Variants in NTRK3 observed in about 807,000 individuals in gnomAD.
The protein encoded by NTRK3 is NT-3 growth factor receptor.
A neutral mutation model predicts 91.7 loss-of-function variants in NTRK3; 24 were observed. That is an observed-to-expected ratio of 0.26 (90% CI 0.19 to 0.37). NTRK3 has a LOEUF of 0.37. NTRK3 is among the 10% of genes least tolerant of loss of function. The probability of loss-of-function intolerance (pLI) is 1.00; values close to 1 mark genes in which losing one functional copy is unlikely to be tolerated. For synonymous variants in NTRK3, 483 were observed against 404.0 expected (o/e 1.20, Z -2.34); for missense variants, 880 against 1,068.9 (o/e 0.82, Z 2.46).
intron 3 of NTRK3, among the ~76,000 whole-genome samples, chr15:88,214,709 C>A (rs527307323): frequency 6.7e-6 from 1 of 149,826 alleles, no homozygotes; most frequent in African/African-American, 2.4e-5. Context: ...AATGTGCCCC[C>A]AAATGAACAC....
chr15:87,878,127 A>G (rs2065036350), intron 18 of NTRK3, among the ~76,000 whole-genome samples: 1 of 152,174 alleles, frequency 6.6e-6, no homozygotes, highest in African/African-American at 2.4e-5. Context: ...CTACCACTGC[A>G]TAACTTTGGT....
chr15:88,090,890 A>C (rs1397600967), intron 13 of NTRK3, among the ~76,000 whole-genome samples: 1 of 152,208 alleles, frequency 6.6e-6, no homozygotes, highest in Non-Finnish European at 1.5e-5. Flanking sequence ...ACTTGGATGC[A>C]GCCCTCTTGC....
At chr15:88,178,192 A>C (rs2151565998) in intron 5 of NTRK3, among the ~76,000 whole-genome samples, 1 of 152,318 alleles carries the variant, frequency 6.6e-6, no homozygotes, top group Middle Eastern at 3.4e-3. Context: ...GTAAGGGGGA[A>C]GGCAGAAAAG....
chr15:88,216,217 T>A (rs2049752923), intron 3 of NTRK3, among the ~76,000 whole-genome samples: 1 of 152,180 alleles, frequency 6.6e-6, no homozygotes, highest in African/African-American at 2.4e-5. Flanking sequence ...ACAGGAGCAG[T>A]TGATCACTGA....
At chr15:87,935,718 T>G (rs553415838) in intron 15 of NTRK3, among the ~76,000 whole-genome samples, 1 of 152,184 alleles carries the variant, frequency 6.6e-6, no homozygotes, top group Non-Finnish European at 1.5e-5. Context: ...TAAATCATTC[T>G]CTCCCACAGT....
At chr15:88,064,391 C>T (rs2046470214) in intron 13 of NTRK3, among the ~76,000 whole-genome samples, 1 of 152,252 alleles carries the variant, frequency 6.6e-6, no homozygotes, top group Non-Finnish European at 1.5e-5. Context: ...TTCAAGGCCA[C>T]ACCCTTCCTT....
At chr15:88,109,049 C>T (rs2051030692) in intron 13 of NTRK3, among the ~76,000 whole-genome samples, 1 of 152,200 alleles carries the variant, frequency 6.6e-6, no homozygotes, top group Admixed American at 6.5e-5. Context: ...AATAACAAAA[C>T]AACAACAATG....
intron 5 of NTRK3, among the ~76,000 whole-genome samples, chr15:88,173,111 T>A (rs1439748706): frequency 6.6e-6 from 1 of 152,152 alleles, no homozygotes; most frequent in African/African-American, 2.4e-5. Context: ...AGGATCCATT[T>A]AAAAGAGGAC....
At chr15:88,225,731 G>A (rs1021896389) in intron 3 of NTRK3, among the ~76,000 whole-genome samples, 3 of 152,156 alleles carry the variant, frequency 2.0e-5, no homozygotes, top group Non-Finnish European at 2.9e-5. Flanking sequence ...GATCCATGCA[G>A]ACCAGATCCA....
At chr15:88,007,053 C>T (rs1253772759) in intron 14 of NTRK3, among the ~76,000 whole-genome samples, 2 of 152,006 alleles carry the variant, frequency 1.3e-5, no homozygotes, top group African/African-American at 4.8e-5. Flanking sequence ...AGGTTTAGTA[C>T]AAAAATGAAA....
intron 9 of NTRK3, 126 bp from the exon 10 acceptor site, chr15:88,135,523 G>A (rs1324981827): frequency 3.7e-6 from 4 of 1,079,662 alleles, no homozygotes; most frequent in Non-Finnish European, 5.4e-6. Context: ...GAGGGAAGCA[G>A]AAGTCCCACC....
At chr15:88,064,000 A>G (rs2046436835) in intron 13 of NTRK3, among the ~76,000 whole-genome samples, 1 of 152,214 alleles carries the variant, frequency 6.6e-6, no homozygotes. Flanking sequence ...TAATTAAAAT[A>G]AGGATTGGGA....
intron 14 of NTRK3, among the ~76,000 whole-genome samples, chr15:88,025,885 A>T (rs916255874): frequency 1.3e-5 from 2 of 152,194 alleles, no homozygotes; most frequent in African/African-American, 4.8e-5. Flanking sequence ...CTTGAACCCG[A>T]GAGGTGGAGG....
rs2141914127 is a variant in NTRK3 at position 88,243,154 on chromosome 15, G to T, written c.248+12752C>A. ...TGCTCCTGAGTGCCTCAAAGACAAG[G>T]TTTCTGCCAAGAGAATAAAATTGCA... On this transcript the variant is annotated intron_variant, in intron 3 of 18. Transcript: ENST00000394480. The surrounding 1 kb of genome is among the most constrained non-coding windows in gnomAD (Gnocchi z 4.8). Among the ~76,000 whole-genome samples, 1 of 152,212 alleles carries T rather than the reference G, an allele frequency of 6.6e-6. No individual in the cohort carries two copies. The highest frequency in any genetic ancestry group is 2.1e-4 in the South Asian group (1 of 4,820).
intron 13 of NTRK3, among the ~76,000 whole-genome samples, chr15:88,056,937 G>A (rs1221515019): frequency 6.6e-6 from 1 of 152,080 alleles, no homozygotes; most frequent in Non-Finnish European, 1.5e-5. Flanking sequence ...TTGGGAGGCC[G>A]AGACGGGCGG....
At chr15:88,191,681 T>C (rs1199970989) in intron 3 of NTRK3, among the ~76,000 whole-genome samples, 1 of 152,214 alleles carries the variant, frequency 6.6e-6, no homozygotes, top group Non-Finnish European at 1.5e-5. Context: ...AATGAGGAAA[T>C]TGATTTGTTA....
At chr15:88,063,805 C>T (rs2046417032) in intron 13 of NTRK3, among the ~76,000 whole-genome samples, 2 of 152,212 alleles carry the variant, frequency 1.3e-5, no homozygotes, top group African/African-American at 4.8e-5. Context: ...TTCTTTTCTC[C>T]TGTCATGAAA....
intron 14 of NTRK3, among the ~76,000 whole-genome samples, chr15:87,988,534 C>T (rs1019559305): frequency 1.3e-5 from 2 of 152,072 alleles, no homozygotes; most frequent in African/African-American, 2.4e-5. Context: ...AGGGAATGCT[C>T]GGTACCACTG....
At chr15:88,011,767 A>T (rs574080808) in intron 14 of NTRK3, among the ~76,000 whole-genome samples, 1 of 152,308 alleles carries the variant, frequency 6.6e-6, no homozygotes, top group South Asian at 2.1e-4. Flanking sequence ...AATGTCAGGG[A>T]AAGTCTGCAC....
Sources: gnomAD v4.1 joint callset for allele counts (sites outside exome capture counted in the v4.1 genomes callset) on GRCh38, gnomAD v4.1.1 for gene constraint, Gnocchi (gnomAD v3.1) non-coding constraint, MANE v1.5 for transcripts, NCBI Gene and HGNC (gene_info 2026-07-23, HGNC 2026-07-21) for gene names.